Variants in CSMD1 observed in about 807,000 individuals in gnomAD.
The protein encoded by CSMD1 is CUB and sushi domain-containing protein 1.
In CSMD1, 213 loss-of-function variants were observed where a neutral mutation model predicts 417.5. The ratio of observed to expected loss-of-function variants is 0.51; its 90% CI spans 0.46 to 0.57. The LOEUF (loss-of-function observed/expected upper bound fraction) is 0.57, where lower values mean the gene tolerates loss of function less well. CSMD1 is among the 20% of genes least tolerant of loss of function. The pLI, the probability that CSMD1 is intolerant of heterozygous loss-of-function variation, is 0.00. For synonymous variants in CSMD1, 2,862 were observed against 1,736.8 expected, an observed-to-expected ratio of 1.65 and a Z score of -16.11; for missense variants, 6,923 against 4,529.7, an observed-to-expected ratio of 1.53 and a Z score of -15.17.
intron 2 of CSMD1, among the ~76,000 whole-genome samples, chr8:4,508,670 A>T (rs1317820064): frequency 3.9e-5 from 6 of 152,144 alleles, no homozygotes; most frequent in Non-Finnish European, 4.4e-5. Flanking sequence ...ATAATGCTTG[A>T]TAACAAGGCA....
chr8:3,077,526 G>C (rs1370447593), intron 49 of CSMD1, among the ~76,000 whole-genome samples: 1 of 152,182 alleles, frequency 6.6e-6, no homozygotes, highest in African/African-American at 2.4e-5. Flanking sequence ...GCCTCATCCT[G>C]GCTGGCAGGT....
chr8:3,987,512 A>G lies in CSMD1; in HGVS notation c.818+10391T>C, dbSNP rs376029397. 1.3e-3 allele frequency among the ~76,000 whole-genome samples: 205 copies of G among 152,300 alleles called. 1 individual carries two copies. In the Middle Eastern group the frequency reaches 0.014, roughly 10 times the overall value. Reference sequence around the variant, plus strand: ...TTAATCTCCTTTTTAAAGTCAGGAAACCAAAAATCTGGGAGTCTGACTCTA... The same window carrying G: ...TTAATCTCCTTTTTAAAGTCAGGAAGCCAAAAATCTGGGAGTCTGACTCTA... On this transcript the variant is annotated intron_variant, in intron 5 of 69. Coordinates refer to ENST00000635120, the MANE Select transcript of CSMD1 (RefSeq NM_033225.6).
chr8:4,578,871 G>A (rs993568230), intron 2 of CSMD1, among the ~76,000 whole-genome samples: 1 of 149,014 alleles, frequency 6.7e-6, no homozygotes, highest in Admixed American at 6.7e-5. Context: ...ATTATAGAAG[G>A]CACATTTTAC....
intron 52 of CSMD1, among the ~76,000 whole-genome samples, chr8:3,001,554 T>C (rs903640679): frequency 1.1e-4 from 16 of 152,226 alleles, no homozygotes; most frequent in Admixed American, 2.6e-4. Context: ...CACTCTCCTA[T>C]AGTTGCATCA....
chr8:4,132,181 A>C (rs1009469144), intron 3 of CSMD1, among the ~76,000 whole-genome samples: 24 of 146,832 alleles, frequency 1.6e-4, no homozygotes, highest in African/African-American at 6.0e-4. Flanking sequence ...TGCGGGTAAA[A>C]TTTGTCATGG....
In CSMD1 at chr8:3,251,457, G is replaced by C. The variant is rs187082238; in HGVS notation, c.4154-21226C>G. ...TTGGTACCAGTATCATGCTGTTTTG[G>C]TTACTGTAGCCTTGTAGTATAGTTT... On this transcript the variant is annotated intron_variant, in intron 26 of 69. Coordinates refer to ENST00000635120, the MANE Select transcript of CSMD1 (RefSeq NM_033225.6). Among the ~76,000 whole-genome samples the C allele has an allele frequency of 1.8e-3, 280 of 152,236 alleles. 2 individuals are homozygous for C. Among genetic ancestry groups the C allele is most frequent in the Middle Eastern group, 6.8e-3 (2 of 294 alleles).
Position 4,182,268 on chromosome 8 carries a change from G to C in CSMD1, c.416-150169C>G, listed in dbSNP as rs529783684. 2.0e-5 allele frequency among the ~76,000 whole-genome samples: 3 copies of C among 152,134 alleles called. No individual in the cohort carries two copies. In the East Asian group the frequency reaches 5.8e-4, roughly 29 times the overall value. ...ACGGAATATATCTAGATTATCGTTT[G>C]CATGATTTGTTTAAAAGAGGGTAAA... On this transcript the variant is annotated intron_variant, in intron 3 of 69. Coordinates refer to ENST00000635120, the MANE Select transcript of CSMD1 (RefSeq NM_033225.6).
At chr8:3,610,255 G>A (rs750721653) in intron 8 of CSMD1, among the ~76,000 whole-genome samples, 1 of 152,128 alleles carries the variant, frequency 6.6e-6, no homozygotes, top group Admixed American at 6.5e-5. Flanking sequence ...AAATCGATAT[G>A]TGGGCTGGGC....
At chr8:3,838,263 T>C (rs1444467498) in intron 5 of CSMD1, among the ~76,000 whole-genome samples, 3 of 151,992 alleles carry the variant, frequency 2.0e-5, no homozygotes, top group Non-Finnish European at 4.4e-5. Flanking sequence ...AGTCTGGGCA[T>C]AATGGCTCAC....
At chr8:4,271,774 G>C (rs750305358) in intron 3 of CSMD1, among the ~76,000 whole-genome samples, 6 of 152,134 alleles carry the variant, frequency 3.9e-5, no homozygotes, top group Non-Finnish European at 5.9e-5. Flanking sequence ...AATGGATGCA[G>C]CTTCCACATT....
chr8:4,890,424 C>G (rs1341487000), intron 1 of CSMD1, among the ~76,000 whole-genome samples: 6 of 151,898 alleles, frequency 4.0e-5, no homozygotes, highest in Non-Finnish European at 2.9e-5. Context: ...GAGCGTGACT[C>G]CGACACCCTC....
chr8:3,529,314 G>C (rs1797881721), intron 10 of CSMD1, among the ~76,000 whole-genome samples: 1 of 152,096 alleles, frequency 6.6e-6, no homozygotes. Context: ...AAGCAGCTTT[G>C]AAGTTGCACA....
rs933579404 is a variant in CSMD1 at position 4,284,563 on chromosome 8, T to G, written c.415+135390A>C. 6.6e-5 allele frequency among the ~76,000 whole-genome samples: 10 copies of G among 152,120 alleles called. 1 individual carries two copies. The highest frequency in any genetic ancestry group is 2.4e-4 in the African/African-American group (10 of 41,422). ...CACTTGCATATGCCAGCCCCAACGT[T>G]TATTGGGCAGTCTAAGCAAAATATT... is the stretch of plus-strand genomic sequence containing the variant. On this transcript the variant is annotated intron_variant, in intron 3 of 69. Coordinates refer to ENST00000635120, the MANE Select transcript of CSMD1 (RefSeq NM_033225.6).
At chr8:3,159,700 A>T (rs1408782005) in intron 38 of CSMD1, among the ~76,000 whole-genome samples, 1 of 152,230 alleles carries the variant, frequency 6.6e-6, no homozygotes, top group African/African-American at 2.4e-5. Context: ...GTTTGTAACG[A>T]AGAAAAGAAA....
At chr8:3,329,016 G>A (rs57151782) in intron 23 of CSMD1, among the ~76,000 whole-genome samples, 4,230 of 152,184 alleles carry the variant, frequency 0.028, 189 homozygotes, top group African/African-American at 0.098. Context: ...GAAGAACCTA[G>A]GGCTGAAAAA....
chr8:4,750,384 T>A, intron 1 of CSMD1, among the ~76,000 whole-genome samples: 1 of 152,174 alleles, frequency 6.6e-6, no homozygotes, highest in Non-Finnish European at 1.5e-5. Context: ...TAGTTTAGGG[T>A]TATCAAGATT....
intron 3 of CSMD1, among the ~76,000 whole-genome samples, chr8:4,319,654 A>C (rs1294441905): frequency 2.0e-5 from 3 of 152,112 alleles, no homozygotes; most frequent in Admixed American, 1.3e-4. Context: ...CACTGCCTGG[A>C]AAGAGAGGCC....
intron 57 of CSMD1, among the ~76,000 whole-genome samples, chr8:2,967,824 C>G (rs1451624832): frequency 6.6e-6 from 1 of 151,566 alleles, no homozygotes; most frequent in Non-Finnish European, 1.5e-5. Flanking sequence ...AGAGAAGTCA[C>G]TGTACTGGGA....
At chr8:4,461,861 C>G (rs575213283) in intron 2 of CSMD1, among the ~76,000 whole-genome samples, 1 of 151,834 alleles carries the variant, frequency 6.6e-6, no homozygotes, top group African/African-American at 2.4e-5. Context: ...CTGCCTCAGC[C>G]TCCCGAGTAG....
Sources: gnomAD v4.1 joint callset for allele counts (sites outside exome capture counted in the v4.1 genomes callset) on GRCh38, gnomAD v4.1.1 for gene constraint, MANE v1.5 for transcripts, NCBI Gene and HGNC (gene_info 2026-07-23, HGNC 2026-07-21) for gene names.